RAG2: variants seen among roughly 807,000 people sequenced by gnomAD.
RAG2 encodes the protein V(D)J recombination-activating protein 2.
In RAG2, 16 loss-of-function variants were observed where a neutral mutation model predicts 31.8. The ratio of observed to expected loss-of-function variants is 0.50; its 90% CI spans 0.34 to 0.76. The LOEUF is 0.76. Ranked by LOEUF, RAG2 falls within the 30% of genes least tolerant of loss-of-function variation. The pLI is 0.01. For missense variants in RAG2, 622 were observed against 628.5 expected, an observed-to-expected ratio of 0.99 and a Z score of 0.11; for synonymous variants, 199 against 215.9, an observed-to-expected ratio of 0.92 and a Z score of 0.68.
chr11:36,595,073 A>T (rs1460395630), intron 1 of RAG2: 1 of 152,174 alleles, frequency 6.6e-6, no homozygotes, highest in Non-Finnish European at 1.5e-5. Flanking sequence ...AAATACAGTT[A>T]TTAGGTTTTA....
At chr11:36,591,113 G>A (rs959724071), downstream of RAG2, among the ~76,000 whole-genome samples, 3 of 152,060 alleles carry the variant, frequency 2.0e-5, no homozygotes, top group African/African-American at 7.2e-5. Context: ...TTATATAGGT[G>A]ATGGAAACAA....
intron 1 of RAG2, among the ~76,000 whole-genome samples, chr11:36,597,073 T>C (rs919926713): frequency 3.3e-5 from 5 of 152,226 alleles, no homozygotes; most frequent in Non-Finnish European, 7.3e-5. Flanking sequence ...TACCTCCTCT[T>C]GTAACATGGT....
intron 1 of RAG2, chr11:36,594,441 C>A: frequency 2.0e-6 from 1 of 489,342 alleles, no homozygotes; most frequent in Non-Finnish European, 3.7e-6. Context: ...GAATTGTAGT[C>A]CTTTTCCGTA....
intron 1 of RAG2, among the ~76,000 whole-genome samples, chr11:36,596,778 G>A (rs1353166680): frequency 6.6e-6 from 1 of 152,152 alleles, no homozygotes; most frequent in African/African-American, 2.4e-5. Flanking sequence ...AAGAACAGTT[G>A]TTTTAAAGCA....
At position 36,595,815 on chromosome 11, in the gene RAG2, G is replaced by A. The variant is rs1363345362; in HGVS notation, c.-27-1620C>T. Among the ~76,000 whole-genome samples the A allele has an allele frequency of 2.6e-5, 4 of 152,258 alleles. No individual in the cohort carries two copies. In the East Asian group the frequency reaches 7.7e-4, roughly 29 times the overall value. On this transcript the variant is annotated intron_variant, in intron 1 of 1. Transcript: ENST00000311485. ...AGGTCTAGTGCATACGCACCTGCCA[G>A]TAATGGCAGTTGATAAGGTTGGAGA...
Position 36,593,538 on chromosome 11 carries a change from C to T in RAG2, c.631G>A (p.Ala211Thr), listed in dbSNP as rs1280859015. ...QDGLSFHVSIAKNDTIYILGG... is the reference protein window; with the variant it reads ...QDGLSFHVSITKNDTIYILGG... ...AAAATATAGATGGTGTCATTTTTGG[C>T]AATAGAGACATGAAAAGATAGCCCA... Residue 211 changes from alanine (A) to threonine (T), a missense_variant, in exon 2 of 2, where the codon GCC (alanine) becomes ACC (threonine). Ala to Thr is a moderately conservative substitution (Grantham distance 58, BLOSUM62 0). Coordinates refer to ENST00000311485, the MANE Select transcript of RAG2 (RefSeq NM_000536.4). 8.7e-6 allele frequency: 14 copies of T among 1,614,090 alleles called. No individual in the cohort carries two copies. The South Asian group carries it at 1.4e-4, about 16-fold the overall frequency.
chr11:36,595,935 G>A (rs186939051), intron 1 of RAG2, among the ~76,000 whole-genome samples: 2 of 152,264 alleles, frequency 1.3e-5, no homozygotes, highest in African/African-American at 4.8e-5. Context: ...TATATGATGA[G>A]GGTGCTGGTA....
chr11:36,592,038 G>A lies in RAG2; in HGVS notation c.*547C>T, dbSNP rs1438910457. The A allele has an allele frequency of 1.3e-5, 2 of 158,314 alleles. No individual in the cohort carries two copies. The highest frequency in any genetic ancestry group is 2.8e-5 in the Non-Finnish European group (2 of 72,088). 9.8% of individuals were successfully genotyped at this position (158,314 alleles called of 1,614,324 possible). A position where few individuals can be genotyped will look rare whatever the true frequency, so the allele number is the denominator to read the frequency against. On this transcript the variant is annotated 3_prime_UTR_variant, in exon 2 of 2. Transcript: ENST00000311485. ...TTATATTTATATCTACATCTGTAAA[G>A]CTATGAGAAACTAACTTGTTCATGG...
intron 1 of RAG2, among the ~76,000 whole-genome samples, chr11:36,595,719 T>C (rs1038188202): frequency 9.2e-5 from 14 of 152,366 alleles, no homozygotes; most frequent in African/African-American, 3.4e-4. Context: ...TGAATATACG[T>C]AAAGTACTTA....
chr11:36,592,378 G>T lies in RAG2; in HGVS notation c.*207C>A, dbSNP rs1206111483. 3.1e-6 allele frequency: 2 copies of T among 645,486 alleles called. No individual in the cohort carries two copies. Among genetic ancestry groups the T allele is most frequent in the African/African-American group, 3.7e-5 (2 of 54,606 alleles). 40.0% of individuals were successfully genotyped at this position (645,486 alleles called of 1,614,324 possible). On this transcript the variant is annotated 3_prime_UTR_variant, in exon 2 of 2. Transcript: ENST00000311485. ...AATAAATTAGTAAATTGAGTATTTGGGTAAAATATTTTCAAAATGTATAGG... is the reference window on the plus strand; with the variant it reads ...AATAAATTAGTAAATTGAGTATTTGTGTAAAATATTTTCAAAATGTATAGG...
At chr11:36,596,582 C>G (rs1250594518) in intron 1 of RAG2, among the ~76,000 whole-genome samples, 1 of 152,170 alleles carries the variant, frequency 6.6e-6, no homozygotes, top group Non-Finnish European at 1.5e-5. Context: ...ATTATTGACC[C>G]TCACTTCAGA....
At position 36,593,657 on chromosome 11, in the gene RAG2, T is replaced by A; in HGVS notation, c.512A>T (p.Lys171Ile). Residue 171 changes from lysine to isoleucine, a missense_variant, in exon 2 of 2, where the codon AAA becomes ATA. Coordinates refer to ENST00000311485, the MANE Select transcript of RAG2 (RefSeq NM_000536.4). ...CAGGCAGTCAGCTACACTATTCCAT[T>A]TTTCTGTGGTTCTGTGGGTAGAAGG... Reference protein sequence around the residue: ...YMPSTHRTTEKWNSVADCLPC... With the variant: ...YMPSTHRTTEIWNSVADCLPC... 1 of 1,614,186 alleles carries A rather than the reference T, an allele frequency of 6.2e-7. No individual in the cohort carries two copies. The highest frequency in any genetic ancestry group is 8.5e-7 in the Non-Finnish European group (1 of 1,180,036).
intron 1 of RAG2, among the ~76,000 whole-genome samples, chr11:36,596,222 G>GTTTTTTTTTTTTT (rs67282079): frequency 2.5e-4 from 30 of 118,356 alleles, no homozygotes; most frequent in Admixed American, 5.2e-4. Flanking sequence ...TTTTTTTTTT[G>GTTTTTTTTTTTTT]TTTTTTTTTT....
chr11:36,591,057 T>A (rs1851015478), downstream of RAG2, among the ~76,000 whole-genome samples: 1 of 152,176 alleles, frequency 6.6e-6, no homozygotes, highest in African/African-American at 2.4e-5. Flanking sequence ...ATCTTAATAA[T>A]TAGAGTAAAT....
In RAG2 at chr11:36,594,070, T is replaced by G; in HGVS notation, c.99A>C (p.Gln33His). 6.2e-7 allele frequency: 1 copy of G among 1,614,120 alleles called. No homozygotes were observed. The highest frequency in any genetic ancestry group is 8.5e-7 in the Non-Finnish European group (1 of 1,180,002). The change falls in exon 2 of 2, where the codon CAA (glutamine) becomes CAC (histidine). Residue 33 changes from glutamine (Q) to histidine (H), a missense_variant. Transcript: ENST00000311485. ...NFDGQVFFFG[Q>H]KGWPKRSCPT... ...GGCAGGATCTTTTGGGCCAGCCTTT[T>G]TGTCCAAAGAAGAAAACTTGTCCAT...
At position 36,594,207 on chromosome 11, in the gene RAG2, A is replaced by G; in HGVS notation, c.-27-12T>C. Reference sequence around the variant, plus strand: ...ACGTAGATTTTTGTCTGAAAGAATTATAAAATAAAATGACTTAGAGATCGC... The same window carrying G: ...ACGTAGATTTTTGTCTGAAAGAATTGTAAAATAAAATGACTTAGAGATCGC... On this transcript the variant is annotated splice_polypyrimidine_tract_variant and intron_variant, in intron 1 of 1. Transcript: ENST00000311485. The G allele has an allele frequency of 7.0e-7, 1 of 1,435,640 alleles. No homozygotes were observed. The highest frequency in any genetic ancestry group is 1.4e-5 in the African/African-American group (1 of 71,344). 88.9% of individuals were successfully genotyped at this position (1,435,640 alleles called of 1,614,324 possible).
At chr11:36,594,659 C>A in intron 1 of RAG2, 1 of 163,008 alleles carries the variant, frequency 6.1e-6, no homozygotes, top group Admixed American at 5.8e-5. Flanking sequence ...TGGCTGACAC[C>A]GACCCAACGT....
downstream of RAG2, among the ~76,000 whole-genome samples, chr11:36,591,742 T>C (rs1055520607): frequency 6.6e-6 from 1 of 152,188 alleles, no homozygotes; most frequent in African/African-American, 2.4e-5. Flanking sequence ...GAGATTTATT[T>C]GGTGGTCCTT....
In RAG2 at chr11:36,593,005, T is replaced by G. The variant is rs1230311707; in HGVS notation, c.1164A>C (p.Ala388=). 5.0e-6 allele frequency: 8 copies of G among 1,614,142 alleles called. No individual in the cohort carries two copies. The highest frequency in any genetic ancestry group is 6.8e-6 in the Non-Finnish European group (8 of 1,179,998). ...CATCACCATCAAAACTATTTGCTTC[T>G]GCACTGAAACAAAATTCTTCAGAGT... is the stretch of plus-strand genomic sequence containing the variant. The part of the protein sequence containing the change: ...FEDSEEFCFS[A]EANSFDGDDE... The change falls in exon 2 of 2, where the codon GCA becomes GCC. Residue 388 remains alanine, a synonymous_variant. Coordinates refer to ENST00000311485, the MANE Select transcript of RAG2 (RefSeq NM_000536.4).
Sources: allele counts gnomAD v4.1 joint callset (sites outside exome capture counted in the v4.1 genomes callset), GRCh38; gene constraint gnomAD v4.1.1; transcripts MANE v1.5; gene names NCBI Gene and HGNC (gene_info 2026-07-23, HGNC 2026-07-21).